RGS3: variants seen among roughly 807,000 people sequenced by gnomAD.
RGS3 encodes regulator of G-protein signalling 3.
RGS3 carries 80 observed loss-of-function variants against 132.6 expected under a neutral mutation model. That is an observed-to-expected ratio of 0.60 (90% CI 0.50 to 0.73). The LOEUF (loss-of-function observed/expected upper bound fraction) is 0.73, where lower values mean the gene tolerates loss of function less well. Ranked by LOEUF, RGS3 falls within the 30% of genes least tolerant of loss-of-function variation. RGS3 has a pLI of 0.00. For synonymous variants in RGS3, 598 were observed against 620.6 expected (o/e 0.96, Z 0.54); for missense variants, 1,382 against 1,530.8 (o/e 0.90, Z 1.62).
At chr9:113,522,199 T>C (rs1026800278) in intron 16 of RGS3, 2 of 152,262 alleles carry the variant, frequency 1.3e-5, no homozygotes, top group African/African-American at 4.8e-5. Flanking sequence ...TGTCCATGTC[T>C]GTACTAGAGT....
intron 14 of RGS3, among the ~76,000 whole-genome samples, chr9:113,509,543 C>A (rs1831308733): frequency 6.6e-6 from 1 of 152,190 alleles, no homozygotes. Flanking sequence ...AAACCACTTT[C>A]TTCTCCCAGG....
chr9:113,454,813 C>T (rs1348552481), intron 1 of RGS3, among the ~76,000 whole-genome samples: 1 of 151,530 alleles, frequency 6.6e-6, no homozygotes, highest in Non-Finnish European at 1.5e-5. Flanking sequence ...GAAGGTCTTT[C>T]CACTCTGGTT....
At chr9:113,450,340 G>A (rs898638777) in intron 1 of RGS3, among the ~76,000 whole-genome samples, 2 of 152,038 alleles carry the variant, frequency 1.3e-5, no homozygotes. Flanking sequence ...CAAAGTGCTG[G>A]GATTACAGGC....
At chr9:113,493,027 T>C (rs746420502) in intron 7 of RGS3, among the ~76,000 whole-genome samples, 4 of 152,146 alleles carry the variant, frequency 2.6e-5, no homozygotes, top group Non-Finnish European at 5.9e-5. Flanking sequence ...CCCTACCCAG[T>C]AGGAAAGAAG....
chr9:113,538,425 C>G (rs995328695), intron 19 of RGS3, among the ~76,000 whole-genome samples: 3 of 152,192 alleles, frequency 2.0e-5, no homozygotes, highest in African/African-American at 7.2e-5. Flanking sequence ...GAACCTATGC[C>G]CCAGTTTTTT....
intron 14 of RGS3, among the ~76,000 whole-genome samples, chr9:113,513,192 T>C (rs1462956557): frequency 2.6e-5 from 4 of 152,080 alleles, no homozygotes; most frequent in African/African-American, 9.7e-5. Context: ...GGAAACTCCG[T>C]CTCAAACAAA....
Position 113,461,846 on chromosome 9 carries a change from C to T in RGS3, c.220C>T (p.Arg74Ter), listed in dbSNP as rs762318437. ...GAGGAGGCTCTACAGTGGTCCCTGG[C>T]GAAGTTGTGAAGAGGTGACTATCAT... is the stretch of plus-strand genomic sequence containing the variant. The change falls in exon 2 of 25, where the codon CGA becomes TGA. Residue 74 changes from arginine (R) to a stop codon, truncating the protein, a stop_gained. Transcript: ENST00000350696. LOFTEE classifies it high-confidence loss of function. The T allele has an allele frequency of 5.1e-5, 82 of 1,613,374 alleles. No homozygotes were observed. The highest frequency in any genetic ancestry group is 6.6e-5 in the South Asian group (6 of 90,960).
chr9:113,459,656 A>G (rs972157155), upstream of RGS3, among the ~76,000 whole-genome samples: 9 of 152,026 alleles, frequency 5.9e-5, no homozygotes, highest in Non-Finnish European at 1.3e-4. Context: ...AGGCTGAGGT[A>G]TGAGAATCGC....
exon 11 of RGS3, chr9:113,505,463 G>T: frequency 1.9e-6 from 3 of 1,614,172 alleles, no homozygotes; most frequent in Non-Finnish European, 2.5e-6. Flanking sequence ...GAGGGGAAAG[G>T]ACGGCTTTGG....
intron 19 of RGS3, among the ~76,000 whole-genome samples, chr9:113,561,216 G>A (rs1414522735): frequency 6.6e-6 from 1 of 151,596 alleles, no homozygotes; most frequent in Non-Finnish European, 1.5e-5. Context: ...GTAGAGACGA[G>A]GTTTCACCAT....
chr9:113,542,248 G>C (rs941847541), intron 19 of RGS3, among the ~76,000 whole-genome samples: 2 of 152,216 alleles, frequency 1.3e-5, no homozygotes, highest in East Asian at 3.8e-4. Context: ...AGATGGGAAG[G>C]AGCTCAGTGG....
intron 3 of RGS3, among the ~76,000 whole-genome samples, chr9:113,474,722 G>A (rs1829937927): frequency 6.6e-6 from 1 of 152,170 alleles, no homozygotes. Context: ...ACATGTGACA[G>A]TTCTTAAATG....
chr9:113,462,476 C>T (rs1215358197), intron 3 of RGS3, among the ~76,000 whole-genome samples: 3 of 152,212 alleles, frequency 2.0e-5, no homozygotes, highest in Non-Finnish European at 4.4e-5. Context: ...TTTGCTCCTT[C>T]CACCTGCTGT....
intron 14 of RGS3, among the ~76,000 whole-genome samples, chr9:113,510,442 G>A (rs578160381): frequency 6.6e-6 from 1 of 152,358 alleles, no homozygotes; most frequent in East Asian, 1.9e-4. Flanking sequence ...CCTGGCGGAT[G>A]GCAGATACTC....
upstream of RGS3, among the ~76,000 whole-genome samples, chr9:113,459,975 A>C (rs1005424586): frequency 6.6e-6 from 1 of 150,778 alleles, no homozygotes; most frequent in African/African-American, 2.4e-5. Context: ...TGGGAGGCGG[A>C]GGTTGCAGTG....
chr9:113,488,100 G>C (rs769123679), intron 7 of RGS3, among the ~76,000 whole-genome samples: 2 of 152,138 alleles, frequency 1.3e-5, no homozygotes, highest in Non-Finnish European at 2.9e-5. Context: ...TGAGAGAGAG[G>C]CTTTGGGGCT....
chr9:113,481,208 T>C (rs1830148269), intron 4 of RGS3, among the ~76,000 whole-genome samples: 1 of 152,226 alleles, frequency 6.6e-6, no homozygotes, highest in South Asian at 2.1e-4. Context: ...GACCCACCTG[T>C]CTGGGCTGGG....
Position 113,529,006 on chromosome 9 carries a change from A to G in RGS3, c.1871-215A>G, listed in dbSNP as rs143735680. ...TTTCAGCATTCCTTGGGCCAGGCTG[A>G]CCCGCAGGCAAATGCCTTAGAGCTG... On this transcript the variant is annotated intron_variant, in intron 17 of 24. Transcript: ENST00000350696. Among the ~76,000 whole-genome samples the G allele has an allele frequency of 8.5e-5, 13 of 152,266 alleles. No homozygotes were observed. The East Asian group carries it at 1.5e-3, about 18-fold the overall frequency.
intron 19 of RGS3, among the ~76,000 whole-genome samples, chr9:113,576,695 A>G (rs550995231): frequency 6.6e-6 from 1 of 152,226 alleles, no homozygotes; most frequent in Non-Finnish European, 1.5e-5. Context: ...GTGAGGCTAC[A>G]GGGAGACAGA....
Sources: allele counts gnomAD v4.1 joint callset (sites outside exome capture counted in the v4.1 genomes callset), GRCh38; gene constraint gnomAD v4.1.1; transcripts MANE v1.5; gene names NCBI Gene and HGNC (gene_info 2026-07-23, HGNC 2026-07-21).